RPS6KC1: variants seen among roughly 807,000 people sequenced by gnomAD.
RPS6KC1 encodes ribosomal protein S6 kinase C1.
Under a neutral mutation model 103.8 loss-of-function variants are expected in RPS6KC1, and 54 were observed. The ratio of observed to expected loss-of-function variants is 0.52; its 90% confidence interval spans 0.42 to 0.65. The LOEUF is 0.65. Among genes scored for constraint, RPS6KC1 ranks in the 30% least tolerant of loss-of-function variants. The pLI is 0.00. For synonymous variants in RPS6KC1, 439 were observed against 438.7 expected (o/e 1.00, Z -0.01); for missense variants, 1,151 against 1,253.8 (o/e 0.92, Z 1.24).
chr1:213,491,194 T>A, the RPS6KC1 span, among the ~76,000 whole-genome samples: 2 of 152,154 alleles, frequency 1.3e-5, no homozygotes, highest in African/African-American at 4.8e-5. Context: ...TCAGCAGCCA[T>A]CAGTGCCTCC....
At chr1:213,638,123 T>C in the RPS6KC1 span, among the ~76,000 whole-genome samples, 1 of 152,090 alleles carries the variant, frequency 6.6e-6, no homozygotes, top group Non-Finnish European at 1.5e-5. Context: ...CTGGCCTTAT[T>C]GTGGCTTTAA....
the RPS6KC1 span, among the ~76,000 whole-genome samples, chr1:213,488,829 G>A: frequency 3.9e-5 from 6 of 152,100 alleles, no homozygotes; most frequent in Admixed American, 2.0e-4. Context: ...CACTTTACTC[G>A]CCTTAGAGCG....
At chr1:213,151,222 AC>A (rs1370918961) in intron 6 of RPS6KC1, among the ~76,000 whole-genome samples, 3 of 95,292 alleles carry the variant, frequency 3.1e-5, no homozygotes, top group East Asian at 3.6e-4. Flanking sequence ...CGGGGGGCTG[AC>A]CCCCCCACCT....
At chr1:213,517,738 A>G in the RPS6KC1 span, among the ~76,000 whole-genome samples, 1 of 152,192 alleles carries the variant, frequency 6.6e-6, no homozygotes, top group Non-Finnish European at 1.5e-5. Flanking sequence ...GTAGATGTCT[A>G]TTAGGTCCGC....
chr1:213,776,253 T>C, the RPS6KC1 span, among the ~76,000 whole-genome samples: 1 of 152,204 alleles, frequency 6.6e-6, no homozygotes, highest in African/African-American at 2.4e-5. Context: ...TTTAATGGAC[T>C]TTTCCCAGAT....
the RPS6KC1 span, among the ~76,000 whole-genome samples, chr1:213,532,131 G>T: frequency 9.2e-5 from 14 of 152,150 alleles, no homozygotes; most frequent in Non-Finnish European, 1.6e-4. Flanking sequence ...TCTGCAGGCT[G>T]CCCATCAAAA....
chr1:213,312,971 A>C, the RPS6KC1 span, among the ~76,000 whole-genome samples: 1 of 152,098 alleles, frequency 6.6e-6, no homozygotes, highest in Admixed American at 6.6e-5. Context: ...CCCCACATAG[A>C]CCCTTAACTG....
At chr1:213,051,672 G>A (rs1558219576) in intron 1 of RPS6KC1, among the ~76,000 whole-genome samples, 163 bp downstream of exon 1, 1 of 152,110 alleles carries the variant, frequency 6.6e-6, no homozygotes, top group Non-Finnish European at 1.5e-5. Context: ...GATTTTTAGA[G>A]TAGTGGCTGA....
chr1:213,498,149 C>A, the RPS6KC1 span, among the ~76,000 whole-genome samples: 2 of 152,090 alleles, frequency 1.3e-5, no homozygotes, highest in South Asian at 2.1e-4. Context: ...TTATCTTATA[C>A]CATATCTGAC....
chr1:213,721,505 G>A, the RPS6KC1 span, among the ~76,000 whole-genome samples: 65 of 152,296 alleles, frequency 4.3e-4, no homozygotes, highest in Admixed American at 9.8e-4. Flanking sequence ...GCCTTCCACT[G>A]TGATTGGGAG....
At chr1:213,739,837 G>GC in the RPS6KC1 span, among the ~76,000 whole-genome samples, 2 of 152,248 alleles carry the variant, frequency 1.3e-5, no homozygotes, top group East Asian at 1.9e-4. Context: ...TCAAAAGTAT[G>GC]CCCCCCGTGC....
At chr1:213,613,374 G>A in the RPS6KC1 span, among the ~76,000 whole-genome samples, 1 of 152,120 alleles carries the variant, frequency 6.6e-6, no homozygotes, top group African/African-American at 2.4e-5. Flanking sequence ...TCCTTGTGTC[G>A]ATGAGATTTG....
At chr1:213,134,438 T>C (rs866162502) in intron 6 of RPS6KC1, among the ~76,000 whole-genome samples, 5 of 152,120 alleles carry the variant, frequency 3.3e-5, no homozygotes, top group Non-Finnish European at 7.4e-5. Flanking sequence ...ATTGTTGATA[T>C]CCAATTTTTC....
At chr1:213,296,794 G>A in the RPS6KC1 span, among the ~76,000 whole-genome samples, 1 of 152,190 alleles carries the variant, frequency 6.6e-6, no homozygotes, top group Non-Finnish European at 1.5e-5. Context: ...CTTATCAAAA[G>A]GGATCAGGCA....
At chr1:213,177,729 G>A (rs1360588980) in intron 8 of RPS6KC1, among the ~76,000 whole-genome samples, 1 of 152,078 alleles carries the variant, frequency 6.6e-6, no homozygotes, top group African/African-American at 2.4e-5. Flanking sequence ...TATAGTAATT[G>A]AGTAGTTTCT....
At chr1:213,838,721 T>C in the RPS6KC1 span, among the ~76,000 whole-genome samples, 1 of 152,336 alleles carries the variant, frequency 6.6e-6, no homozygotes, top group African/African-American at 2.4e-5. Flanking sequence ...CCTCAGGAGC[T>C]GGTGCGCAGG....
chr1:213,500,900 A>C, the RPS6KC1 span, among the ~76,000 whole-genome samples: 72 of 152,344 alleles, frequency 4.7e-4, no homozygotes, highest in African/African-American at 1.7e-3. Flanking sequence ...CGTAGAATAT[A>C]CTAGAAAACA....
the RPS6KC1 span, among the ~76,000 whole-genome samples, chr1:213,711,157 A>T: frequency 6.6e-6 from 1 of 152,216 alleles, no homozygotes; most frequent in African/African-American, 2.4e-5. Flanking sequence ...TACAGCAATC[A>T]AACGTAGATT....
chr1:213,781,036 A>G, the RPS6KC1 span, among the ~76,000 whole-genome samples: 3 of 152,174 alleles, frequency 2.0e-5, no homozygotes, highest in Non-Finnish European at 4.4e-5. Context: ...ACAAAAAACA[A>G]ACAACAAACA....
Sources: gnomAD v4.1 joint callset for allele counts (sites outside exome capture counted in the v4.1 genomes callset) on GRCh38, gnomAD v4.1.1 for gene constraint, MANE v1.5 for transcripts, NCBI Gene and HGNC (gene_info 2026-07-23, HGNC 2026-07-21) for gene names.